The following FCAR variants were observed in gnomAD, a reference collection of about 807,000 sequenced individuals.
FCAR encodes the protein Fc alpha receptor.
Under a neutral mutation model 27.1 loss-of-function variants are expected in FCAR, and 21 were observed. The ratio of observed to expected loss-of-function variants is 0.77; its 90% CI spans 0.55 to 1.11. The LOEUF (loss-of-function observed/expected upper bound fraction) is 1.11, where lower values mean the gene tolerates loss of function less well. FCAR is among the 50% of genes most tolerant of loss of function. The pLI is 0.00. For missense variants in FCAR, 404 were observed against 358.4 expected, an observed-to-expected ratio of 1.13 and a Z score of -1.03; for synonymous variants, 134 against 135.8, an observed-to-expected ratio of 0.99 and a Z score of 0.09.
At chr19:54,882,640 C>G (rs1266353873) in intron 2 of FCAR, among the ~76,000 whole-genome samples, 1 of 151,584 alleles carries the variant, frequency 6.6e-6, no homozygotes, top group Non-Finnish European at 1.5e-5. Context: ...GGTTTTGTCA[C>G]GTTGGTCAGG....
intron 2 of FCAR, among the ~76,000 whole-genome samples, chr19:54,877,916 A>ATT (rs757104692): frequency 0.027 from 3,811 of 143,428 alleles, 160 homozygotes; most frequent in African/African-American, 0.077. Flanking sequence ...TTTGCTAAGG[A>ATT]TTGTTTTTTT....
chr19:54,885,256 T>G lies in FCAR; in HGVS notation c.92T>G (p.Ile31Arg), dbSNP rs780317468. The G allele has an allele frequency of 1.2e-6, 2 of 1,613,490 alleles. No homozygotes were observed. The highest frequency in any genetic ancestry group is 2.2e-5 in the South Asian group (2 of 91,052). The change falls in exon 3 of 5, where the codon ATA becomes AGA. Residue 31 changes from isoleucine to arginine, a missense_variant. Ile to Arg is a moderately conservative substitution (Grantham distance 97, BLOSUM62 -3). Coordinates refer to ENST00000355524, the MANE Select transcript of FCAR (RefSeq NM_002000.4). ...CCAGGGGACTTTCCCATGCCTTTCA[T>G]ATCTGCCAAATCGAGTCCTGTGATT... ...AQEGDFPMPF[I>R]SAKSSPVIPL...
At chr19:54,884,925 A>G (rs1165305720) in intron 2 of FCAR, among the ~76,000 whole-genome samples, 1 of 151,598 alleles carries the variant, frequency 6.6e-6, no homozygotes, top group Non-Finnish European at 1.5e-5. Flanking sequence ...TCCTGCCCCA[A>G]TCTCCCGAGT....
chr19:54,888,929 G>A (rs998724717), intron 4 of FCAR: 99 of 984,664 alleles, frequency 1.0e-4, no homozygotes, highest in African/African-American at 1.2e-4. Flanking sequence ...CTGGCCGGGC[G>A]TGGTGGCGTG....
intron 2 of FCAR, chr19:54,880,999 T>C (rs1293945418): frequency 6.6e-6 from 1 of 152,290 alleles, no homozygotes; most frequent in East Asian, 1.9e-4. Context: ...TGGCTGCAGA[T>C]CTGGGCTCGG....
chr19:54,887,927 T>G, intron 3 of FCAR, 80 bp from the exon 4 acceptor site: 1 of 1,171,494 alleles, frequency 8.5e-7, no homozygotes, highest in Non-Finnish European at 1.2e-6. Flanking sequence ...CAAAAAAATA[T>G]ATAATAATAA....
At chr19:54,876,845 C>T (rs1054017330) in intron 2 of FCAR, among the ~76,000 whole-genome samples, 6 of 152,170 alleles carry the variant, frequency 3.9e-5, no homozygotes, top group Non-Finnish European at 8.8e-5. Flanking sequence ...GGCGTGAATC[C>T]AGGAGGCGGA....
chr19:54,883,093 A>G lies in FCAR; in HGVS notation c.71-2142A>G, dbSNP rs138906927. 5.2e-3 allele frequency among the ~76,000 whole-genome samples: 782 copies of G among 151,826 alleles called. 16 individuals carry two copies. Among genetic ancestry groups the G allele is most frequent in the Admixed American group, 0.035 (531 of 15,256 alleles). ...ACAATCTCGGCTCACTGCAGCCTCT[A>G]CCTATCAGGCTAAGTGATCCTCCTG... On this transcript the variant is annotated intron_variant, in intron 2 of 4. Transcript: ENST00000355524.
chr19:54,881,457 C>T lies in FCAR; in HGVS notation c.71-3778C>T, dbSNP rs981909801. On this transcript the variant is annotated intron_variant, in intron 2 of 4. Coordinates refer to ENST00000355524, the MANE Select transcript of FCAR (RefSeq NM_002000.4). Reference sequence around the variant, plus strand: ...ACTCACAGCTGCTGGGAACGCTCCGCCAGAGGGTGGGGCTGTTGTGCCGCG... The same window carrying T: ...ACTCACAGCTGCTGGGAACGCTCCGTCAGAGGGTGGGGCTGTTGTGCCGCG... 2.0e-5 allele frequency among the ~76,000 whole-genome samples: 3 copies of T among 151,998 alleles called. No homozygotes were observed. In the South Asian group the frequency reaches 6.2e-4, roughly 32 times the overall value.
intron 2 of FCAR, among the ~76,000 whole-genome samples, chr19:54,876,762 C>T (rs67321966): frequency 0.29 from 43,559 of 151,844 alleles, 6,782 homozygotes; most frequent in South Asian, 0.5. Context: ...TACTAAAAAA[C>T]ACAAAAAAAT....
chr19:54,886,513 T>C (rs1393838005), intron 3 of FCAR, among the ~76,000 whole-genome samples: 1 of 151,806 alleles, frequency 6.6e-6, no homozygotes, highest in Non-Finnish European at 1.5e-5. Context: ...TTCACTGTGT[T>C]AGCCAGGATG....
intron 4 of FCAR, 55 bp downstream of exon 4, chr19:54,888,349 A>G: frequency 6.3e-7 from 1 of 1,594,126 alleles, no homozygotes; most frequent in Non-Finnish European, 8.6e-7. Flanking sequence ...GGGCCTTGCC[A>G]CCGGGCAGGA....
At chr19:54,875,830 G>A (rs995046636) in intron 2 of FCAR, among the ~76,000 whole-genome samples, 1 of 152,148 alleles carries the variant, frequency 6.6e-6, no homozygotes, top group African/African-American at 2.4e-5. Context: ...TGAATATTCT[G>A]CCACCCCAAC....
chr19:54,877,443 A>G (rs904937519), intron 2 of FCAR, among the ~76,000 whole-genome samples: 5 of 151,856 alleles, frequency 3.3e-5, no homozygotes, highest in African/African-American at 1.2e-4. Flanking sequence ...GTGGTAATAT[A>G]CCCTTTGTTG....
intron 2 of FCAR, 37 bp downstream of exon 2, chr19:54,875,402 C>G (rs77887839): frequency 0.037 from 58,291 of 1,575,644 alleles, 1,318 homozygotes; most frequent in East Asian, 0.092. Context: ...CCCCTTTAGA[C>G]CCTCTTGGGA....
chr19:54,876,479 C>T (rs2066095527), intron 2 of FCAR, among the ~76,000 whole-genome samples: 3 of 152,100 alleles, frequency 2.0e-5, no homozygotes, highest in Non-Finnish European at 4.4e-5. Flanking sequence ...ATACATCATT[C>T]TTATTATTTT....
intron 3 of FCAR, among the ~76,000 whole-genome samples, chr19:54,887,695 T>C (rs1169414071): frequency 6.6e-6 from 1 of 151,136 alleles, no homozygotes; most frequent in Non-Finnish European, 1.5e-5. Flanking sequence ...GGTGGGCAAA[T>C]CACCTGAGGT....
chr19:54,888,101 A>G lies in FCAR; in HGVS notation c.456A>G (p.Pro152=). 2 of 1,614,126 alleles carry G rather than the reference A, an allele frequency of 1.2e-6. No homozygotes were observed. Among genetic ancestry groups the G allele is most frequent in the Non-Finnish European group, 1.7e-6 (2 of 1,180,018 alleles). Residue 152 remains proline, a synonymous_variant, in exon 4 of 5, where the codon CCA becomes CCG. Coordinates refer to ENST00000355524, the MANE Select transcript of FCAR (RefSeq NM_002000.4). Reference sequence around the variant, plus strand: ...TCACGTGCAGCTCAGCACACATCCCATTTGATAGATTTTCACTGGCCAAGG... The same window carrying G: ...TCACGTGCAGCTCAGCACACATCCCGTTTGATAGATTTTCACTGGCCAAGG... The part of the protein sequence containing the change: ...ISLTCSSAHI[P]FDRFSLAKEG...
At chr19:54,879,651 C>T (rs995152847) in intron 2 of FCAR, among the ~76,000 whole-genome samples, 3 of 150,258 alleles carry the variant, frequency 2.0e-5, no homozygotes, top group African/African-American at 7.4e-5. Flanking sequence ...GGTGACCTGC[C>T]CCTTCTTTTT....
Sources: allele counts gnomAD v4.1 joint callset (sites outside exome capture counted in the v4.1 genomes callset), GRCh38; gene constraint gnomAD v4.1.1; transcripts MANE v1.5; gene names NCBI Gene and HGNC (gene_info 2026-07-23, HGNC 2026-07-21).